TARS2: variants seen among roughly 807,000 people sequenced by gnomAD.
TARS2 encodes threonine--tRNA ligase, mitochondrial.
TARS2 carries 61 observed loss-of-function variants against 94.4 expected under a neutral mutation model. That is an observed-to-expected ratio of 0.65 (90% CI 0.53 to 0.80). The LOEUF is 0.80. TARS2 is among the 30% of genes least tolerant of loss of function. The pLI is 0.00. For missense variants in TARS2, 704 were observed against 902.5 expected (o/e 0.78, Z 2.82); for synonymous variants, 359 against 353.4 (o/e 1.02, Z -0.18).
Position 150,505,621 on chromosome 1 carries a change from G to A in TARS2, c.1924G>A (p.Val642Ile). Residue 642 changes from valine to isoleucine, a missense_variant, in exon 17 of 18, where the codon GTC becomes ATC. Around this residue, in one of 3 missense-constraint regions of TARS2, gnomAD observed 466 missense variants for 609.5 expected, o/e 0.76. Coordinates refer to ENST00000369064, the MANE Select transcript of TARS2 (RefSeq NM_025150.5). The stretch of plus-strand genomic sequence containing the variant: ...GCAGAGCCTGCGGGCTGCAGGACTG[G>A]TCAGTGACCTGGATGCAGACTCTGG... ...AQQSLRAAGLVSDLDADSGLT... is the reference protein window; with the variant it reads ...AQQSLRAAGLISDLDADSGLT... 1 of 1,614,162 alleles carries A rather than the reference G, an allele frequency of 6.2e-7. No homozygotes were observed. The highest frequency in any genetic ancestry group is 8.5e-7 in the Non-Finnish European group (1 of 1,180,032).
chr1:150,494,851 C>T (rs1355259243), intron 7 of TARS2, among the ~76,000 whole-genome samples: 2 of 152,172 alleles, frequency 1.3e-5, no homozygotes, highest in Non-Finnish European at 2.9e-5. Flanking sequence ...TCCTGGCTAA[C>T]ACCGTGAAAC....
rs370926339 is a variant in TARS2, at chr1:150,487,439, G to A, written c.-12G>A. ...AATCTGTTTGAGGATGTAGGCACTG[G>A]TGTGAAGGAACATGGCCCTGTATCA... is the stretch of plus-strand genomic sequence containing the variant. On this transcript the variant is annotated 5_prime_UTR_variant, in exon 1 of 18. The change creates a new upstream start codon in the 5' untranslated region. Coordinates refer to ENST00000369064, the MANE Select transcript of TARS2 (RefSeq NM_025150.5). 29 of 1,614,086 alleles carry A rather than the reference G, an allele frequency of 1.8e-5. No individual in the cohort carries two copies. The African/African-American group carries it at 3.5e-4, about 19-fold the overall frequency.
chr1:150,487,474 G>C lies in TARS2; in HGVS notation c.24G>C (p.Arg8=). MALYQRW[R]CLRLQGLQAC... is the part of the protein sequence containing the mutation. ...ACATGGCCCTGTATCAGAGGTGGCG[G>C]TGTCTCCGGCTCCAAGGTTTACAGG... The change falls in exon 1 of 18, where the codon CGG becomes CGC. Residue 8 remains arginine, a synonymous_variant. Transcript: ENST00000369064. 1 of 1,614,258 alleles carries C rather than the reference G, an allele frequency of 6.2e-7. No homozygotes were observed. Among genetic ancestry groups the C allele is most frequent in the Non-Finnish European group, 8.5e-7 (1 of 1,180,054 alleles).
In TARS2 at chr1:150,507,303, C is replaced by T. The variant is rs1377598716; in HGVS notation, c.*239C>T. On this transcript the variant is annotated 3_prime_UTR_variant, in exon 18 of 18. Transcript: ENST00000369064. ...AAATAAATTGGGCCAGGCGCAGTGG[C>T]TCATGCCTGTAATCCCAGCACTCTG... 1 of 462,738 alleles carries T rather than the reference C, an allele frequency of 2.2e-6. No individual in the cohort carries two copies. The highest frequency in any genetic ancestry group is 2.0e-5 in the African/African-American group (1 of 50,652). 28.7% of individuals were successfully genotyped at this position (462,738 alleles called of 1,614,324 possible).
chr1:150,494,963 T>C (rs192800511), intron 7 of TARS2, among the ~76,000 whole-genome samples: 229 of 151,222 alleles, frequency 1.5e-3, no homozygotes, highest in Admixed American at 0.014. Context: ...AGGCGGATCA[T>C]GAGGTCAGGA....
rs757616275 is a variant in TARS2, at chr1:150,504,954, T to G, written c.1869T>G (p.Ser623Arg). The G allele has an allele frequency of 1.9e-6, 3 of 1,613,616 alleles. No individual in the cohort carries two copies. Among genetic ancestry groups the G allele is most frequent in the Non-Finnish European group, 2.5e-6 (3 of 1,179,942 alleles). Reference sequence around the variant, plus strand: ...AGGTGGTGGTCATCCCTGTGGGGAGTGAGCAAGAGGAATACGCCAAAGAGG... The same window carrying G: ...AGGTGGTGGTCATCCCTGTGGGGAGGGAGCAAGAGGAATACGCCAAAGAGG... Reference protein sequence around the residue: ...PFQVVVIPVGSEQEEYAKEAQ... With the variant: ...PFQVVVIPVGREQEEYAKEAQ... The change falls in exon 16 of 18, where the codon AGT (serine) becomes AGG (arginine). Residue 623 changes from serine to arginine, a missense_variant. Coordinates refer to ENST00000369064, the MANE Select transcript of TARS2 (RefSeq NM_025150.5).
chr1:150,503,575 G>A (rs12730411), intron 13 of TARS2, among the ~76,000 whole-genome samples: 75,254 of 137,788 alleles, frequency 0.55, 21,041 homozygotes, highest in Non-Finnish European at 0.61. Context: ...GTGTGTGTGT[G>A]TGTATATATA....
At chr1:150,497,839 C>T (rs953309385) in intron 10 of TARS2, 92 bp downstream of exon 10, 1 of 1,364,600 alleles carries the variant, frequency 7.3e-7, no homozygotes. Context: ...CGCCTGTAAT[C>T]CCAACACTTT....
chr1:150,494,978 G>A (rs1352861554), intron 7 of TARS2, among the ~76,000 whole-genome samples: 9 of 151,800 alleles, frequency 5.9e-5, no homozygotes, highest in East Asian at 3.9e-4. Context: ...TCAGGAGATC[G>A]AGACCATCCT....
At chr1:150,504,267 T>TA in intron 13 of TARS2, 68 bp from the exon 14 acceptor site, 2 of 1,488,052 alleles carry the variant, frequency 1.3e-6, no homozygotes, top group Non-Finnish European at 1.9e-6. Flanking sequence ...ATGGCACAGG[T>TA]AATGGAGGAT....
intron 10 of TARS2, 142 bp downstream of exon 10, chr1:150,497,889 T>C (rs1669739624): frequency 1.2e-6 from 1 of 801,388 alleles, no homozygotes; most frequent in Non-Finnish European, 1.9e-6. Flanking sequence ...GTCGGGAGTT[T>C]GAGACCAGCC....
chr1:150,491,974 T>G lies in TARS2; in HGVS notation c.695+312T>G, dbSNP rs587716058. The G allele has an allele frequency of 1.0e-4, 30 of 287,596 alleles. No homozygotes were observed. In the East Asian group the frequency reaches 2.2e-3, roughly 21 times the overall value. The allele number at this position is 287,596 out of a possible 1,614,324, so 17.8% of individuals were successfully genotyped here. The stretch of plus-strand genomic sequence containing the variant: ...CATGCCTGGCTAGTTTTTTTTTTTT[T>G]TTTTTTTTTTGAGATGAAGTCTTGT... On this transcript the variant is annotated intron_variant, in intron 6 of 17. Transcript: ENST00000369064.
intron 7 of TARS2, among the ~76,000 whole-genome samples, chr1:150,493,327 G>A (rs587639106): frequency 1.3e-5 from 2 of 152,238 alleles, no homozygotes; most frequent in African/African-American, 2.4e-5. Context: ...GTGGAGGGGT[G>A]GAGCAGGAGG....
At position 150,506,911 on chromosome 1, in the gene TARS2, T is replaced by C. The variant is rs768628705; in HGVS notation, c.2009-5T>C. 3 of 1,613,998 alleles carry C rather than the reference T, an allele frequency of 1.9e-6. No homozygotes were observed. The highest frequency in any genetic ancestry group is 1.6e-4 in the Middle Eastern group (1 of 6,062). On this transcript the variant is annotated splice_polypyrimidine_tract_variant and splice_region_variant and intron_variant, in intron 17 of 17. Transcript: ENST00000369064. ...CTGAGGTTCCCAAACTTCCTCTACC[T>C]GCAGTGGTTGGCCAGAAAGAGCAAA...
chr1:150,488,139 C>G, intron 2 of TARS2, 85 bp downstream of exon 2: 1 of 1,455,836 alleles, frequency 6.9e-7, no homozygotes, highest in Non-Finnish European at 9.3e-7. Flanking sequence ...AAAACTTGGT[C>G]TGCTTGTTTC....
At chr1:150,503,913 A>G (rs1670080414) in intron 13 of TARS2, among the ~76,000 whole-genome samples, 1 of 151,462 alleles carries the variant, frequency 6.6e-6, no homozygotes, top group Non-Finnish European at 1.5e-5. Flanking sequence ...AAAAAAAAAA[A>G]AAAAAAAGGA....
intron 13 of TARS2, 79 bp downstream of exon 13, chr1:150,499,372 ATTT>A: frequency 8.8e-7 from 1 of 1,139,852 alleles, no homozygotes; most frequent in Non-Finnish European, 1.2e-6. Flanking sequence ...GATACAAAGA[ATTT>A]TTTTTTTTGA....
In TARS2 at chr1:150,504,637, CG is replaced by C; in HGVS notation, c.1727del (p.Gly576ValfsTer76). ...CCCCCCTTTTTCCTTTCAAGGCAGGCGGGTGCCCTGGAGCGTCCAGTCCTCA... is the reference window on the plus strand; with the variant it reads ...CCCCCCTTTTTCCTTTCAAGGCAGGCGGTGCCCTGGAGCGTCCAGTCCTCA... ...LRFDLQYKGQ[A>X]GALERPVLIH... On this transcript the variant is annotated frameshift_variant, in exon 15 of 18. Coordinates refer to ENST00000369064, the MANE Select transcript of TARS2 (RefSeq NM_025150.5). LOFTEE classifies it high-confidence loss of function. 6.2e-7 allele frequency: 1 copy of C among 1,612,882 alleles called. No individual in the cohort carries two copies. Among genetic ancestry groups the C allele is most frequent in the Non-Finnish European group, 8.5e-7 (1 of 1,179,104 alleles).
chr1:150,491,687 A>G (rs1485352071), intron 6 of TARS2, 25 bp downstream of exon 6: 2 of 1,612,556 alleles, frequency 1.2e-6, no homozygotes, highest in Admixed American at 3.3e-5. Context: ...GATTAAGGCA[A>G]ACAGAGAGGT....
Sources: allele counts gnomAD v4.1 joint callset (sites outside exome capture counted in the v4.1 genomes callset), GRCh38; gene constraint gnomAD v4.1.1; regional missense constraint gnomAD v4.1.1; transcripts MANE v1.5; gene names NCBI Gene and HGNC (gene_info 2026-07-23, HGNC 2026-07-21).